The following CDKAL1 variants were observed in gnomAD, a reference collection of about 807,000 sequenced individuals.
The protein encoded by CDKAL1 is CDKAL1 threonylcarbamoyladenosine tRNA methylthiotransferase.
CDKAL1 carries 32 observed loss-of-function variants against 68.2 expected under a neutral mutation model. The observed-to-expected ratio is 0.47, with a 90% CI of 0.35 to 0.63. CDKAL1 has a LOEUF of 0.63. Ranked by LOEUF, CDKAL1 falls within the 30% of genes least tolerant of loss-of-function variation. The probability of loss-of-function intolerance (pLI) is 0.00; values close to 1 mark genes in which losing one functional copy is unlikely to be tolerated. For synonymous variants in CDKAL1, 234 were observed against 244.3 expected, an observed-to-expected ratio of 0.96 and a Z score of 0.39; for missense variants, 606 against 696.7, an observed-to-expected ratio of 0.87 and a Z score of 1.47.
chr6:20,738,977 A>G (rs1038776527), intron 5 of CDKAL1, among the ~76,000 whole-genome samples: 5 of 152,200 alleles, frequency 3.3e-5, no homozygotes, highest in South Asian at 4.1e-4. Flanking sequence ...GGAAGTAAGC[A>G]TATGCAGTCA....
intron 8 of CDKAL1, among the ~76,000 whole-genome samples, chr6:20,829,358 A>G (rs992447848): frequency 2.0e-5 from 3 of 152,228 alleles, no homozygotes; most frequent in African/African-American, 4.8e-5. Flanking sequence ...CTTGAGAATC[A>G]GTCGTTAGAT....
intron 8 of CDKAL1, among the ~76,000 whole-genome samples, chr6:20,814,596 T>G (rs760422989): frequency 1.3e-5 from 2 of 152,212 alleles, no homozygotes; most frequent in Non-Finnish European, 2.9e-5. Flanking sequence ...TCTGATTGCT[T>G]TTAATGTTGT....
At chr6:21,075,673 G>A (rs938526454) in intron 12 of CDKAL1, among the ~76,000 whole-genome samples, 6 of 152,110 alleles carry the variant, frequency 3.9e-5, no homozygotes, top group African/African-American at 1.4e-4. Flanking sequence ...AGATTTGCAA[G>A]TTCATATTTT....
rs1768638993 is a variant in CDKAL1 at position 21,021,144 on chromosome 6, T to C, written c.1055+20772T>C. ...AGGCATAGGGCCAGTTAAACTGATA[T>C]ACAGATTAGATAGATAGACTAAATC... On this transcript the variant is annotated intron_variant, in intron 11 of 15. Transcript: ENST00000274695. 1.3e-5 allele frequency among the ~76,000 whole-genome samples: 2 copies of C among 152,176 alleles called. 1 individual carries two copies. The highest frequency in any genetic ancestry group is 4.1e-4 in the South Asian group (2 of 4,828).
At chr6:20,860,587 G>A (rs1759560457) in intron 9 of CDKAL1, among the ~76,000 whole-genome samples, 2 of 152,118 alleles carry the variant, frequency 1.3e-5, no homozygotes, top group Non-Finnish European at 2.9e-5. Context: ...CCCTTTGGGA[G>A]GCCAAGTGGG....
intron 5 of CDKAL1, among the ~76,000 whole-genome samples, chr6:20,738,550 G>A (rs925367358): frequency 7.4e-5 from 11 of 148,062 alleles, no homozygotes; most frequent in African/African-American, 1.8e-4. Context: ...ATACAGTGGC[G>A]CCATCATCAT....
intron 5 of CDKAL1, among the ~76,000 whole-genome samples, chr6:20,681,996 T>C (rs1489906777): frequency 6.6e-6 from 1 of 152,230 alleles, no homozygotes; most frequent in Non-Finnish European, 1.5e-5. Context: ...AGCTGTGTCC[T>C]CACACAGTGG....
chr6:20,598,133 T>G (rs1408696470), intron 4 of CDKAL1, among the ~76,000 whole-genome samples: 2 of 152,218 alleles, frequency 1.3e-5, no homozygotes, highest in East Asian at 3.9e-4. Flanking sequence ...CCTTTCATTT[T>G]ATAGTGATGG....
chr6:20,660,333 G>C (rs1036684998), intron 5 of CDKAL1, among the ~76,000 whole-genome samples: 1 of 152,082 alleles, frequency 6.6e-6, no homozygotes, highest in Non-Finnish European at 1.5e-5. Context: ...ACTCTACTGT[G>C]TAATGATTTT....
At chr6:21,172,861 T>C (rs1398832665) in intron 13 of CDKAL1, among the ~76,000 whole-genome samples, 1 of 152,224 alleles carries the variant, frequency 6.6e-6, no homozygotes, top group Admixed American at 6.5e-5. Flanking sequence ...TTTCCTTTGT[T>C]AAAAATTTTT....
intron 11 of CDKAL1, among the ~76,000 whole-genome samples, chr6:21,008,214 AAAAG>A (rs900039548): frequency 6.6e-6 from 1 of 152,190 alleles, no homozygotes; most frequent in Admixed American, 6.5e-5. Flanking sequence ...TCAGGAGCCA[AAAAG>A]AAAGATGAGG....
intron 8 of CDKAL1, among the ~76,000 whole-genome samples, chr6:20,786,619 T>C (rs1775687129): frequency 6.8e-6 from 1 of 147,508 alleles, no homozygotes; most frequent in African/African-American, 2.5e-5. Context: ...TGCCTCAGCC[T>C]CCTGAGTAGC....
At chr6:20,571,855 TA>T (rs917839566) in intron 4 of CDKAL1, among the ~76,000 whole-genome samples, 1 of 152,054 alleles carries the variant, frequency 6.6e-6, no homozygotes, top group Non-Finnish European at 1.5e-5. Flanking sequence ...GATGTAATTT[TA>T]AAAAAAATTT....
At chr6:21,035,047 G>A in intron 11 of CDKAL1, among the ~76,000 whole-genome samples, 1 of 152,012 alleles carries the variant, frequency 6.6e-6, no homozygotes, top group East Asian at 1.9e-4. Context: ...ATGAAATAGA[G>A]CAAAACGGAG....
At chr6:20,758,519 A>T in intron 6 of CDKAL1, 76 bp from the exon 7 acceptor site, 1 of 1,211,768 alleles carries the variant, frequency 8.3e-7, no homozygotes, top group Non-Finnish European at 1.2e-6. Flanking sequence ...TGTAACATTG[A>T]CTCAAGCATA....
chr6:20,768,162 A>G (rs1178447388), intron 7 of CDKAL1, among the ~76,000 whole-genome samples: 2 of 152,186 alleles, frequency 1.3e-5, no homozygotes, highest in Non-Finnish European at 1.5e-5. Context: ...TGCTGCTGTG[A>G]CAGGTGAGAG....
intron 9 of CDKAL1, among the ~76,000 whole-genome samples, chr6:20,898,742 C>T (rs1481128066): frequency 6.6e-6 from 1 of 152,016 alleles, no homozygotes; most frequent in Non-Finnish European, 1.5e-5. Context: ...TGAAGTCAAT[C>T]ATATATAAAC....
At chr6:20,627,080 A>G (rs748298460) in intron 4 of CDKAL1, among the ~76,000 whole-genome samples, 8 of 152,206 alleles carry the variant, frequency 5.3e-5, no homozygotes, top group Non-Finnish European at 1.0e-4. Context: ...TACATTTTAT[A>G]GAGAATTCAG....
chr6:20,710,995 A>G lies in CDKAL1; in HGVS notation c.372-28524A>G, dbSNP rs527821904. Among the ~76,000 whole-genome samples, 20 of 152,280 alleles carry G rather than the reference A, an allele frequency of 1.3e-4. No homozygotes were observed. The South Asian group carries it at 4.1e-3, about 32-fold the overall frequency. On this transcript the variant is annotated intron_variant, in intron 5 of 15. Transcript: ENST00000274695. The stretch of plus-strand genomic sequence containing the variant: ...ATGCTTCCTTTTTAATTTTCTTAAA[A>G]TGTCTATTTCTTTTCATTGATTGTA...
Sources: gnomAD v4.1 joint callset for allele counts (sites outside exome capture counted in the v4.1 genomes callset) on GRCh38, gnomAD v4.1.1 for gene constraint, MANE v1.5 for transcripts, NCBI Gene and HGNC (gene_info 2026-07-23, HGNC 2026-07-21) for gene names.